Variants in CYTH3 observed in about 807,000 individuals in gnomAD.
The protein encoded by CYTH3 is cytohesin 3.
In CYTH3, 23 loss-of-function variants were observed where a neutral mutation model predicts 55.1. The ratio of observed to expected loss-of-function variants is 0.42; its 90% CI spans 0.30 to 0.59. CYTH3 has a LOEUF of 0.59. Among genes scored for constraint, CYTH3 ranks in the 20% least tolerant of loss-of-function variants. The pLI is 0.20. For synonymous variants in CYTH3, 249 were observed against 194.9 expected, an observed-to-expected ratio of 1.28 and a Z score of -2.31; for missense variants, 413 against 524.8, an observed-to-expected ratio of 0.79 and a Z score of 2.08.
chr7:6,247,826 G>C (rs1487978503), intron 1 of CYTH3, among the ~76,000 whole-genome samples: 2 of 151,708 alleles, frequency 1.3e-5, no homozygotes, highest in Non-Finnish European at 1.5e-5. Flanking sequence ...AATTTTTCTT[G>C]TTTTTTGTAG....
At chr7:6,172,899 G>A (rs1783240802) in intron 6 of CYTH3, 3 of 1,231,604 alleles carry the variant, frequency 2.4e-6, no homozygotes, top group African/African-American at 1.6e-5. Context: ...TGCCAACATT[G>A]CAGTCTGCAG....
At position 6,170,359 on chromosome 7, in the gene CYTH3, G is replaced by T; in HGVS notation, c.823+176C>A. On this transcript the variant is annotated intron_variant, in intron 9 of 12. Coordinates refer to ENST00000350796, the MANE Select transcript of CYTH3 (RefSeq NM_004227.4). The surrounding 1 kb of genome is among the most constrained non-coding windows in gnomAD (Gnocchi z 7.8). Reference sequence around the variant, plus strand: ...GGGCATGGCTCTGAGGCCCCGGCTCGGAGAAGCAGCCGTGGCCATGCAGCT... The same window carrying T: ...GGGCATGGCTCTGAGGCCCCGGCTCTGAGAAGCAGCCGTGGCCATGCAGCT... 1 of 617,716 alleles carries T rather than the reference G, an allele frequency of 1.6e-6. No individual in the cohort carries two copies. 38.3% of individuals were successfully genotyped at this position (617,716 alleles called of 1,614,324 possible).
rs865973174 is a variant in CYTH3 at position 6,170,708 on chromosome 7, A to G, written c.712-62T>C. The G allele has an allele frequency of 9.7e-5, 153 of 1,582,354 alleles. 1 individual carries two copies. In the Middle Eastern group the frequency reaches 3.5e-3, roughly 36 times the overall value. ...CGGAGGAAAATGGCTGGCCGGGCAG[A>G]AAGCTCAGCGGGACCAGGGCGGCAA... On this transcript the variant is annotated intron_variant, in intron 8 of 12. Coordinates refer to ENST00000350796, the MANE Select transcript of CYTH3 (RefSeq NM_004227.4). This position sits in a 1 kb window ranked among gnomAD's most constrained non-coding sequence, Gnocchi z 7.8.
At chr7:6,177,766 G>A (rs946564728) in intron 5 of CYTH3, 57 bp downstream of exon 5, 4 of 1,364,962 alleles carry the variant, frequency 2.9e-6, no homozygotes, top group East Asian at 2.3e-5. Flanking sequence ...GTGAGCCTAG[G>A]TCAAGCTGCA....
chr7:6,186,736 C>CGAA (rs1238925793), intron 4 of CYTH3, among the ~76,000 whole-genome samples: 1 of 152,146 alleles, frequency 6.6e-6, no homozygotes, highest in African/African-American at 2.4e-5. Flanking sequence ...ATATGAGCCT[C>CGAA]GACAGCAAGG....
At chr7:6,211,195 C>T (rs569006704) in intron 1 of CYTH3, among the ~76,000 whole-genome samples, 1 of 152,300 alleles carries the variant, frequency 6.6e-6, no homozygotes, top group African/African-American at 2.4e-5. Flanking sequence ...TGGCTGGCTC[C>T]AGCTCCCTCC....
chr7:6,265,489 C>T (rs1313869011), intron 1 of CYTH3, among the ~76,000 whole-genome samples: 2 of 151,576 alleles, frequency 1.3e-5, no homozygotes, highest in Non-Finnish European at 1.5e-5. Context: ...CATGGTGGCA[C>T]GCGCCTGTAG....
chr7:6,185,372 G>C (rs1783609103), intron 4 of CYTH3, among the ~76,000 whole-genome samples: 1 of 151,240 alleles, frequency 6.6e-6, no homozygotes, highest in African/African-American at 2.5e-5. Context: ...GATCACCTGA[G>C]GTCAGGAGTT....
chr7:6,194,402 G>A (rs1174385310), intron 1 of CYTH3, among the ~76,000 whole-genome samples: 1 of 152,156 alleles, frequency 6.6e-6, no homozygotes, highest in Non-Finnish European at 1.5e-5. Flanking sequence ...GCAGTGACCA[G>A]CCACTGCATC....
chr7:6,209,440 T>C (rs930910279), intron 1 of CYTH3, among the ~76,000 whole-genome samples: 2 of 152,220 alleles, frequency 1.3e-5, no homozygotes, highest in Admixed American at 6.5e-5. Context: ...ACTTCTGAGA[T>C]CAAACCTGAA....
intron 1 of CYTH3, among the ~76,000 whole-genome samples, 176 bp downstream of exon 1, chr7:6,272,298 G>A (rs978502744): frequency 3.0e-5 from 4 of 133,716 alleles, no homozygotes; most frequent in African/African-American, 1.1e-4. Context: ...CTCGGCCCCC[G>A]GAGACCCAGC....
Position 6,272,586 on chromosome 7 carries a change from C to G in CYTH3, c.-79G>C. The G allele has an allele frequency of 9.1e-7, 1 of 1,098,160 alleles. No individual in the cohort carries two copies. The highest frequency in any genetic ancestry group is 3.9e-5 in the South Asian group (1 of 25,494). 68.0% of individuals were successfully genotyped at this position (1,098,160 alleles called of 1,614,324 possible). On this transcript the variant is annotated 5_prime_UTR_variant, in exon 1 of 13. Coordinates refer to ENST00000350796, the MANE Select transcript of CYTH3 (RefSeq NM_004227.4). ...GGGCTGGGGACGCCGCCGGAGGGAGCGCGCAGGCGACCGGGCGGCTCCTCA... is the reference window on the plus strand; with the variant it reads ...GGGCTGGGGACGCCGCCGGAGGGAGGGCGCAGGCGACCGGGCGGCTCCTCA...
chr7:6,190,677 A>T (rs556120419), intron 1 of CYTH3, 146 bp from the exon 2 acceptor site: 1 of 605,088 alleles, frequency 1.7e-6, no homozygotes, highest in African/African-American at 1.9e-5. Context: ...TGTATCTGAG[A>T]CACTCATAGG....
rs1782856395 is a variant in CYTH3 at position 6,162,334 on chromosome 7, C to CT, written c.*2609dup. On this transcript the variant is annotated 3_prime_UTR_variant, in exon 13 of 13. Coordinates refer to ENST00000350796, the MANE Select transcript of CYTH3 (RefSeq NM_004227.4). ...GCCGCCGCCTCCCCGCGGGGCTCCC[C>CT]TCACTGCCTCCTGGCCTCTGTCTCT... 1 of 152,280 alleles carries CT rather than the reference C, an allele frequency of 6.6e-6. No homozygotes were observed. Among genetic ancestry groups the CT allele is most frequent in the South Asian group, 2.1e-4 (1 of 4,834 alleles). The allele number at this position is 152,280 out of a possible 1,614,324, so 9.4% of individuals were successfully genotyped here.
chr7:6,250,839 T>C (rs1356124916), intron 1 of CYTH3, among the ~76,000 whole-genome samples: 2 of 152,262 alleles, frequency 1.3e-5, no homozygotes, highest in Non-Finnish European at 2.9e-5. Flanking sequence ...TGGATTATAG[T>C]GATTTCTAAA....
chr7:6,272,410 G>GGGGGGGGGGGGGGC, intron 1 of CYTH3, 64 bp downstream of exon 1: 1 of 1,216,612 alleles, frequency 8.2e-7, no homozygotes. Flanking sequence ...CCGCGCCCTC[G>GGGGGGGGGGGGGGC]ACCCCCAGCC....
At chr7:6,266,346 T>A (rs1206249287) in intron 1 of CYTH3, among the ~76,000 whole-genome samples, 1 of 152,126 alleles carries the variant, frequency 6.6e-6, no homozygotes, top group Non-Finnish European at 1.5e-5. Context: ...CATTTTCCAA[T>A]CTGAAAATAG....
chr7:6,259,792 T>TATATATA (rs1780273977), intron 1 of CYTH3, among the ~76,000 whole-genome samples: 1 of 15,004 alleles, frequency 6.7e-5, no homozygotes, highest in Non-Finnish European at 8.8e-5. Context: ...ATAATATATA[T>TATATATA]ATATATATAT....
intron 1 of CYTH3, among the ~76,000 whole-genome samples, chr7:6,253,045 G>A (rs779648549): frequency 6.6e-6 from 1 of 152,012 alleles, no homozygotes; most frequent in African/African-American, 2.4e-5. Context: ...CAAGAAAAAT[G>A]AATGTCACTT....
Sources: allele counts gnomAD v4.1 joint callset (sites outside exome capture counted in the v4.1 genomes callset), GRCh38; gene constraint gnomAD v4.1.1; non-coding constraint Gnocchi (gnomAD v3.1); transcripts MANE v1.5; gene names NCBI Gene and HGNC (gene_info 2026-07-23, HGNC 2026-07-21).